The following IMMP2L variants were observed in gnomAD, a reference collection of about 807,000 sequenced individuals.
IMMP2L encodes mitochondrial inner membrane protease subunit 2.
In IMMP2L, 18 loss-of-function variants were observed where a neutral mutation model predicts 19.3. The ratio of observed to expected loss-of-function variants is 0.93; its 90% CI spans 0.64 to 1.38. The LOEUF (loss-of-function observed/expected upper bound fraction) is 1.38. IMMP2L is among the 40% of genes most tolerant of loss of function. The pLI is 0.00. For missense variants in IMMP2L, 233 were observed against 218.2 expected, an observed-to-expected ratio of 1.07 and a Z score of -0.43; for synonymous variants, 76 against 73.0, an observed-to-expected ratio of 1.04 and a Z score of -0.21.
intron 3 of IMMP2L, among the ~76,000 whole-genome samples, chr7:111,413,406 A>C (rs1489207052): frequency 1.3e-5 from 2 of 151,614 alleles, no homozygotes; most frequent in Non-Finnish European, 2.9e-5. Flanking sequence ...AAAAAAAAAT[A>C]AAAGACAGAC....
intron 3 of IMMP2L, among the ~76,000 whole-genome samples, chr7:111,353,888 T>C (rs1214615104): frequency 6.6e-6 from 1 of 152,274 alleles, no homozygotes; most frequent in East Asian, 1.9e-4. Flanking sequence ...CACATATTTC[T>C]TCTTTCTCCT....
chr7:111,083,923 T>C (rs949486147), intron 3 of IMMP2L, among the ~76,000 whole-genome samples: 2 of 152,120 alleles, frequency 1.3e-5, no homozygotes, highest in Non-Finnish European at 1.5e-5. Flanking sequence ...ATACCAATAA[T>C]AAATATAACA....
intron 3 of IMMP2L, among the ~76,000 whole-genome samples, chr7:111,077,164 A>C (rs1291031594): frequency 6.6e-6 from 1 of 152,228 alleles, no homozygotes; most frequent in Non-Finnish European, 1.5e-5. Flanking sequence ...TGCATCTTAT[A>C]CTGACTACTT....
chr7:110,985,042 T>C (rs992672591), intron 3 of IMMP2L, among the ~76,000 whole-genome samples: 1 of 152,218 alleles, frequency 6.6e-6, no homozygotes, highest in Non-Finnish European at 1.5e-5. Context: ...AACACAGTGT[T>C]AGAGAGATGT....
At chr7:111,346,419 T>G (rs1366883782) in intron 3 of IMMP2L, among the ~76,000 whole-genome samples, 2 of 152,138 alleles carry the variant, frequency 1.3e-5, no homozygotes, top group Admixed American at 1.3e-4. Context: ...TGTTATTCAA[T>G]ATGTAAGCTG....
chr7:110,901,887 C>T (rs1811901951), intron 4 of IMMP2L, among the ~76,000 whole-genome samples: 1 of 151,948 alleles, frequency 6.6e-6, no homozygotes, highest in Non-Finnish European at 1.5e-5. Context: ...ATATAAAGTA[C>T]AGATATTTGG....
intron 3 of IMMP2L, among the ~76,000 whole-genome samples, chr7:111,040,714 T>C: frequency 7.1e-6 from 1 of 140,904 alleles, no homozygotes; most frequent in South Asian, 2.3e-4. Flanking sequence ...ATAAATCTAA[T>C]ATTTAATATT....
chr7:110,876,468 G>A (rs1809074524), intron 5 of IMMP2L, among the ~76,000 whole-genome samples: 1 of 152,090 alleles, frequency 6.6e-6, no homozygotes, highest in Non-Finnish European at 1.5e-5. Flanking sequence ...ATCATTACCA[G>A]GCAGCACAAT....
chr7:111,420,256 A>AT (rs35929890), intron 3 of IMMP2L, among the ~76,000 whole-genome samples: 4,244 of 151,952 alleles, frequency 0.028, 109 homozygotes, highest in Non-Finnish European at 0.039. Flanking sequence ...AAATGGAGAA[A>AT]AGAAATCAAG....
intron 5 of IMMP2L, among the ~76,000 whole-genome samples, chr7:110,667,013 G>A (rs533577379): frequency 8.6e-5 from 13 of 151,968 alleles, no homozygotes; most frequent in African/African-American, 1.4e-4. Flanking sequence ...CTGGGACTAC[G>A]GGCACCAGCC....
chr7:111,040,866 A>G (rs1487322030), intron 3 of IMMP2L, among the ~76,000 whole-genome samples: 1 of 151,680 alleles, frequency 6.6e-6, no homozygotes, highest in African/African-American at 2.4e-5. Flanking sequence ...TTGGGCAATA[A>G]AGCATGGTAT....
intron 3 of IMMP2L, among the ~76,000 whole-genome samples, chr7:111,303,809 T>C (rs767291801): frequency 8.6e-5 from 13 of 152,014 alleles, no homozygotes; most frequent in Non-Finnish European, 1.6e-4. Context: ...TCATAAATGC[T>C]TTTTGGTGAG....
chr7:111,557,856 T>C (rs918161891), intron 1 of IMMP2L, among the ~76,000 whole-genome samples: 17 of 151,896 alleles, frequency 1.1e-4, no homozygotes, highest in Non-Finnish European at 2.4e-4. Context: ...GCGAGGTTAA[T>C]GAATAAGGTA....
chr7:110,969,764 T>C (rs961814858), intron 3 of IMMP2L, among the ~76,000 whole-genome samples: 2 of 152,104 alleles, frequency 1.3e-5, no homozygotes, highest in Admixed American at 1.3e-4. Context: ...TTTATCTACA[T>C]TGGCCATTCT....
chr7:111,076,872 C>T (rs922221721), intron 3 of IMMP2L, among the ~76,000 whole-genome samples: 2 of 152,180 alleles, frequency 1.3e-5, no homozygotes, highest in Non-Finnish European at 2.9e-5. Flanking sequence ...TCTTTTCTCC[C>T]TAAAAATCCT....
intron 3 of IMMP2L, among the ~76,000 whole-genome samples, chr7:111,131,598 A>G (rs1042862677): frequency 4.6e-5 from 7 of 151,978 alleles, no homozygotes; most frequent in African/African-American, 1.7e-4. Context: ...CCATCTTACA[A>G]TATGACAGGC....
chr7:111,547,071 A>G (rs1441715671), intron 1 of IMMP2L, among the ~76,000 whole-genome samples: 1 of 152,224 alleles, frequency 6.6e-6, no homozygotes, highest in African/African-American at 2.4e-5. Context: ...AAGGGCAACT[A>G]GAAGCCACAG....
intron 5 of IMMP2L, among the ~76,000 whole-genome samples, chr7:110,854,219 T>C (rs1326097221): frequency 6.6e-6 from 1 of 151,932 alleles, no homozygotes; most frequent in African/African-American, 2.4e-5. Flanking sequence ...CCACTTAACA[T>C]ATTTATATTT....
intron 3 of IMMP2L, among the ~76,000 whole-genome samples, chr7:111,087,939 T>C (rs1219968228): frequency 6.6e-6 from 1 of 152,176 alleles, no homozygotes; most frequent in Admixed American, 6.5e-5. Context: ...TTCATAACAA[T>C]TCTAGGAGAA....
Sources: allele counts gnomAD v4.1 joint callset (sites outside exome capture counted in the v4.1 genomes callset), GRCh38; gene constraint gnomAD v4.1.1; transcripts MANE v1.5; gene names NCBI Gene and HGNC (gene_info 2026-07-23, HGNC 2026-07-21).